PPP2R1A: variants seen among roughly 807,000 people sequenced by gnomAD.
PPP2R1A encodes serine/threonine-protein phosphatase 2A 65 kDa regulatory subunit A alpha isoform.
PPP2R1A carries 15 observed loss-of-function variants against 67.1 expected under a neutral mutation model. The observed-to-expected ratio is 0.22, with a 90% CI of 0.15 to 0.34. The LOEUF (loss-of-function observed/expected upper bound fraction) is 0.34. Among genes scored for constraint, PPP2R1A ranks in the 10% least tolerant of loss-of-function variants. The pLI is 1.00. For synonymous variants in PPP2R1A, 337 were observed against 325.0 expected, an observed-to-expected ratio of 1.04 and a Z score of -0.40; for missense variants, 369 against 775.0, an observed-to-expected ratio of 0.48 and a Z score of 6.22.
At chr19:52,207,843 C>T (rs185729801) in intron 3 of PPP2R1A, among the ~76,000 whole-genome samples, 1 of 152,266 alleles carries the variant, frequency 6.6e-6, no homozygotes, top group Admixed American at 6.5e-5. Context: ...CCTCAGAGGG[C>T]TCCTGGTTGC....
In PPP2R1A at chr19:52,226,736, T is replaced by C. The variant is rs1979289779; in HGVS notation, c.*755T>C. Reference sequence around the variant, plus strand: ...CTCCTTCAGTTAATAGACGTGTGACTAGGAGTAGCTTGTTAAGTCTTTATG... The same window carrying C: ...CTCCTTCAGTTAATAGACGTGTGACCAGGAGTAGCTTGTTAAGTCTTTATG... On this transcript the variant is annotated 3_prime_UTR_variant, in exon 15 of 15. Coordinates refer to ENST00000322088, the MANE Select transcript of PPP2R1A (RefSeq NM_014225.6). The C allele has an allele frequency of 6.2e-6, 1 of 160,106 alleles. No homozygotes were observed. Among genetic ancestry groups the C allele is most frequent in the Non-Finnish European group, 1.4e-5 (1 of 72,586 alleles). The allele number at this position is 160,106 out of a possible 1,614,324, so 9.9% of individuals were successfully genotyped here.
chr19:52,221,419 T>G (rs1000261809), intron 12 of PPP2R1A, among the ~76,000 whole-genome samples: 3 of 152,134 alleles, frequency 2.0e-5, no homozygotes, highest in African/African-American at 7.2e-5. Context: ...AGCACCCCTC[T>G]CCTTCCCTGA....
intron 3 of PPP2R1A, among the ~76,000 whole-genome samples, chr19:52,207,374 G>A (rs2089615278): frequency 1.3e-5 from 2 of 152,150 alleles, no homozygotes; most frequent in Non-Finnish European, 2.9e-5. Context: ...AAACCGCAAG[G>A]CTTCAACAAG....
At chr19:52,220,951 T>C (rs1978883693) in intron 11 of PPP2R1A, 28 bp from the exon 12 acceptor site, 1 of 1,612,882 alleles carries the variant, frequency 6.2e-7, no homozygotes, top group East Asian at 2.2e-5. Flanking sequence ...TCCAAATCCC[T>C]GTCTCTCTCA....
Position 52,211,265 on chromosome 19 carries a change from G to A in PPP2R1A, c.276G>A (p.Pro92=), listed in dbSNP as rs765353178. 3.1e-5 allele frequency: 50 copies of A among 1,612,034 alleles called. No individual in the cohort carries two copies. Among genetic ancestry groups the A allele is most frequent in the East Asian group, 1.1e-4 (5 of 44,884 alleles). The change falls in exon 4 of 15, where the codon CCG becomes CCA. Residue 92 remains proline (P), a synonymous_variant. Coordinates refer to ENST00000322088, the MANE Select transcript of PPP2R1A (RefSeq NM_014225.6). This position sits in a 1 kb window ranked among gnomAD's most constrained non-coding sequence, Gnocchi z 5.3. ...ACTTTGTGTTCTCACCACAGCCACC[G>A]CTGGAGTCGCTGGCCACAGTGGAGG... ...GPEYVHCLLP[P]LESLATVEET...
At position 52,227,791 on chromosome 19, in the gene PPP2R1A, A is replaced by T. The variant is rs1158291649; in HGVS notation, c.*1810A>T. The T allele has an allele frequency of 2.6e-5, 4 of 152,210 alleles. No individual in the cohort carries two copies. The highest frequency in any genetic ancestry group is 7.2e-5 in the African/African-American group (3 of 41,448). 9.4% of individuals were successfully genotyped at this position (152,210 alleles called of 1,614,324 possible). A position where few individuals can be genotyped will look rare whatever the true frequency, so the allele number is the denominator to read the frequency against. On this transcript the variant is annotated 3_prime_UTR_variant, in exon 15 of 15. Transcript: ENST00000322088. Reference sequence around the variant, plus strand: ...TCTCCCAGTTGAGAACTACTGCTCTAGAAATGTGAACACACGTGTAACCAA... The same window carrying T: ...TCTCCCAGTTGAGAACTACTGCTCTTGAAATGTGAACACACGTGTAACCAA...
At position 52,226,881 on chromosome 19, in the gene PPP2R1A, C is replaced by T. The variant is rs1979299043; in HGVS notation, c.*900C>T. 6.6e-6 allele frequency: 1 copy of T among 152,122 alleles called. No individual in the cohort carries two copies. The highest frequency in any genetic ancestry group is 1.5e-5 in the Non-Finnish European group (1 of 68,022). The allele number at this position is 152,122 out of a possible 1,614,324, so 9.4% of individuals were successfully genotyped here. A position where few individuals can be genotyped will look rare whatever the true frequency, so the allele number is the denominator to read the frequency against. ...TGTAACAGTTTCAACATGAGAAGTACACAACATGAGAAGCAGAGTTAGCTG... is the reference window on the plus strand; with the variant it reads ...TGTAACAGTTTCAACATGAGAAGTATACAACATGAGAAGCAGAGTTAGCTG... On this transcript the variant is annotated 3_prime_UTR_variant, in exon 15 of 15. Coordinates refer to ENST00000322088, the MANE Select transcript of PPP2R1A (RefSeq NM_014225.6).
In PPP2R1A at chr19:52,229,042, C is replaced by G. The variant is rs1483405717; in HGVS notation, c.*3061C>G. ...AAGATGACGAGGTGGTGCCTCAGCC[C>G]CGAGGAGTGAACTGCAGGGCACCGA... On this transcript the variant is annotated 3_prime_UTR_variant, in exon 15 of 15. Coordinates refer to ENST00000322088, the MANE Select transcript of PPP2R1A (RefSeq NM_014225.6). 1 of 152,202 alleles carries G rather than the reference C, an allele frequency of 6.6e-6. No individual in the cohort carries two copies. Among genetic ancestry groups the G allele is most frequent in the Middle Eastern group, 3.2e-3 (1 of 316 alleles). 9.4% of individuals were successfully genotyped at this position (152,202 alleles called of 1,614,324 possible).
intron 12 of PPP2R1A, among the ~76,000 whole-genome samples, chr19:52,221,579 A>G (rs1978932660): frequency 2.0e-5 from 3 of 152,260 alleles, no homozygotes; most frequent in South Asian, 4.1e-4. Flanking sequence ...TAAATAATTC[A>G]TACTGTAAAG....
Position 52,219,715 on chromosome 19 carries a change from A to C in PPP2R1A, c.1153A>C (p.Ile385Leu), listed in dbSNP as rs1978801616. 1 of 1,613,286 alleles carries C rather than the reference A, an allele frequency of 6.2e-7. No individual in the cohort carries two copies. Among genetic ancestry groups the C allele is most frequent in the Non-Finnish European group, 8.5e-7 (1 of 1,179,548 alleles). The change falls in exon 10 of 15, where the codon ATC becomes CTC. Residue 385 changes from isoleucine (I) to leucine (L), a missense_variant. Coordinates refer to ENST00000322088, the MANE Select transcript of PPP2R1A (RefSeq NM_014225.6). This position sits in a 1 kb window ranked among gnomAD's most constrained non-coding sequence, Gnocchi z 4.0. Reference sequence around the variant, plus strand: ...GTGCCCTGAGGTACGGCTGAACATCATCTCTAACCTGGACTGTGTGAACGA... The same window carrying C: ...GTGCCCTGAGGTACGGCTGAACATCCTCTCTAACCTGGACTGTGTGAACGA... ...DECPEVRLNI[I>L]SNLDCVNEVI...
Position 52,213,247 on chromosome 19 carries a change from T to TA in PPP2R1A, c.807+139dup. Reference sequence around the variant, plus strand: ...GAGCAATAAGATCTCTATGATCATCTAACTGCGTCTCGCTTCGTGTGCCAA... The same window carrying TA: ...GAGCAATAAGATCTCTATGATCATCTAAACTGCGTCTCGCTTCGTGTGCCAA... On this transcript the variant is annotated intron_variant, in intron 6 of 14. Transcript: ENST00000322088. The surrounding 1 kb of genome is among the most constrained non-coding windows in gnomAD (Gnocchi z 4.2). The TA allele has an allele frequency of 1.8e-6, 2 of 1,123,688 alleles. No individual in the cohort carries two copies. Among genetic ancestry groups the TA allele is most frequent in the Non-Finnish European group, 2.4e-6 (2 of 836,446 alleles). The allele number at this position is 1,123,688 out of a possible 1,614,324, so 69.6% of individuals were successfully genotyped here.
At position 52,213,423 on chromosome 19, in the gene PPP2R1A, G is replaced by A. The variant is rs1473221648; in HGVS notation, c.807+313G>A. 6.6e-6 allele frequency among the ~76,000 whole-genome samples: 1 copy of A among 150,946 alleles called. No homozygotes were observed. Among genetic ancestry groups the A allele is most frequent in the Non-Finnish European group, 1.5e-5 (1 of 67,876 alleles). On this transcript the variant is annotated intron_variant, in intron 6 of 14. Coordinates refer to ENST00000322088, the MANE Select transcript of PPP2R1A (RefSeq NM_014225.6). This position sits in a 1 kb window ranked among gnomAD's most constrained non-coding sequence, Gnocchi z 4.2. ...ATAATCAAGCTGTCCTTTCACAAAG[G>A]GGAAGACAGCCCAAAAAGGTGGGGT...
intron 1 of PPP2R1A, among the ~76,000 whole-genome samples, chr19:52,190,665 C>G (rs2089445362): frequency 6.6e-6 from 1 of 152,196 alleles, no homozygotes; most frequent in African/African-American, 2.4e-5. Flanking sequence ...ATCCTAATTC[C>G]TGCTCTTCCT....
intron 1 of PPP2R1A, chr19:52,190,922 C>A: frequency 6.6e-6 from 1 of 152,422 alleles, no homozygotes; most frequent in Non-Finnish European, 1.5e-5. Flanking sequence ...AGCAGTGGCG[C>A]GATCTCGGCT....
chr19:52,215,730 G>A lies in PPP2R1A; in HGVS notation c.808-49G>A, dbSNP rs1291547364. ...TTGATTTTGGCTTCCTTAGCCCAGAGTAAACTGCCAGCCCCTCTCACTCTC... is the reference window on the plus strand; with the variant it reads ...TTGATTTTGGCTTCCTTAGCCCAGAATAAACTGCCAGCCCCTCTCACTCTC... On this transcript the variant is annotated intron_variant, in intron 6 of 14. Transcript: ENST00000322088. The A allele has an allele frequency of 2.0e-6, 3 of 1,534,014 alleles. No individual in the cohort carries two copies. The East Asian group carries it at 6.7e-5, about 34-fold the overall frequency.
In PPP2R1A at chr19:52,192,870, C is replaced by T. The variant is rs537668103; in HGVS notation, c.78+2696C>T. ...CCTAGGCATTCCACCCCCCAGGAAC[C>T]GCGAGGTGTTCATCTGTCTGGAAGC... On this transcript the variant is annotated intron_variant, in intron 1 of 14. Coordinates refer to ENST00000322088, the MANE Select transcript of PPP2R1A (RefSeq NM_014225.6). Among the ~76,000 whole-genome samples the T allele has an allele frequency of 4.6e-5, 7 of 152,264 alleles. No individual in the cohort carries two copies. The South Asian group carries it at 6.2e-4, about 14-fold the overall frequency.
chr19:52,221,566 T>C (rs918338400), intron 12 of PPP2R1A, among the ~76,000 whole-genome samples: 3 of 152,156 alleles, frequency 2.0e-5, no homozygotes, highest in African/African-American at 4.8e-5. Context: ...GTCTTCTCAT[T>C]TGTAAATAAT....
Position 52,201,922 on chromosome 19 carries a change from C to T in PPP2R1A, c.79-22C>T, listed in dbSNP as rs777631710. On this transcript the variant is annotated intron_variant, in intron 1 of 14. Coordinates refer to ENST00000322088, the MANE Select transcript of PPP2R1A (RefSeq NM_014225.6). ...TCTGGGATTTCTAACATTCTCCCCT[C>T]CTCTTCTTGTTCTCTCATTAGCTTC... 1.6e-5 allele frequency: 25 copies of T among 1,609,446 alleles called. No individual in the cohort carries two copies. The South Asian group carries it at 2.6e-4, about 17-fold the overall frequency.
chr19:52,227,483 T>G lies in PPP2R1A; in HGVS notation c.*1502T>G, dbSNP rs1040423053. 4 of 152,314 alleles carry G rather than the reference T, an allele frequency of 2.6e-5. No homozygotes were observed. The highest frequency in any genetic ancestry group is 4.4e-5 in the Non-Finnish European group (3 of 68,094). 9.4% of individuals were successfully genotyped at this position (152,314 alleles called of 1,614,324 possible). The stretch of plus-strand genomic sequence containing the variant: ...TGAAGGTGACCGGAATTCTAACTGA[T>G]GGAGGGAGGGGCCCAGAGCACCCTG... On this transcript the variant is annotated 3_prime_UTR_variant, in exon 15 of 15. Coordinates refer to ENST00000322088, the MANE Select transcript of PPP2R1A (RefSeq NM_014225.6).
Sources: allele counts gnomAD v4.1 joint callset (sites outside exome capture counted in the v4.1 genomes callset), GRCh38; gene constraint gnomAD v4.1.1; non-coding constraint Gnocchi (gnomAD v3.1); transcripts MANE v1.5; gene names NCBI Gene and HGNC (gene_info 2026-07-23, HGNC 2026-07-21).